The following PIK3R1 variants were observed in gnomAD, a reference collection of about 807,000 sequenced individuals.
PIK3R1 encodes the protein phosphoinositide-3-kinase regulatory subunit 1.
Under a neutral mutation model 98.0 loss-of-function variants are expected in PIK3R1, and 29 were observed. That is an observed-to-expected ratio of 0.30 (90% CI 0.22 to 0.40). The LOEUF (loss-of-function observed/expected upper bound fraction) is 0.40, where lower values mean the gene tolerates loss of function less well. PIK3R1 is among the 10% of genes least tolerant of loss of function. The pLI, the probability that PIK3R1 is intolerant of heterozygous loss-of-function variation, is 1.00. For synonymous variants in PIK3R1, 282 were observed against 311.8 expected (o/e 0.90, Z 1.01); for missense variants, 596 against 872.7 (o/e 0.68, Z 3.99).
rs72757662 is a variant in PIK3R1, at chr5:68,239,982, A to C, written c.334+12973A>C. 31,199 of 483,574 alleles carry C rather than the reference A, an allele frequency of 0.065. 2,380 individuals are homozygous for C. The highest frequency in any genetic ancestry group is 0.23 in the African/African-American group (11,862 of 51,092). The allele number at this position is 483,574 out of a possible 1,614,324, so 30.0% of individuals were successfully genotyped here. A position where few individuals can be genotyped will look rare whatever the true frequency, so the allele number is the denominator to read the frequency against. ...AGTTCATTCCTCCTGCATGTTGGAA[A>C]CTGTGGCTCTTAACTGGCTAAAATT... On this transcript the variant is annotated intron_variant, in intron 2 of 15. Transcript: ENST00000521381.
At chr5:68,256,421 A>G (rs570607627) in intron 2 of PIK3R1, among the ~76,000 whole-genome samples, 15 of 152,172 alleles carry the variant, frequency 9.9e-5, no homozygotes, top group East Asian at 5.8e-4. Context: ...TAGTAGAGAC[A>G]GGGTTTCACC....
chr5:68,237,216 TTG>T, intron 2 of PIK3R1, among the ~76,000 whole-genome samples: 1 of 152,220 alleles, frequency 6.6e-6, no homozygotes, highest in Non-Finnish European at 1.5e-5. Flanking sequence ...TAGCAGCTGC[TTG>T]AAGTCCATAA....
intron 4 of PIK3R1, among the ~76,000 whole-genome samples, chr5:68,276,803 G>T (rs1397290820): frequency 6.6e-6 from 1 of 152,174 alleles, no homozygotes; most frequent in Admixed American, 6.5e-5. Context: ...TGTTGGAAAA[G>T]GGCTTTGATG....
intron 2 of PIK3R1, among the ~76,000 whole-genome samples, chr5:68,271,784 G>A (rs1343601645): frequency 7.0e-6 from 1 of 142,610 alleles, no homozygotes; most frequent in Non-Finnish European, 1.5e-5. Context: ...AATAGAATTA[G>A]GTGGAAAGAT....
intron 2 of PIK3R1, among the ~76,000 whole-genome samples, chr5:68,251,306 G>C (rs1160877925): frequency 6.6e-6 from 1 of 152,030 alleles, no homozygotes; most frequent in Non-Finnish European, 1.5e-5. Flanking sequence ...GCACATCTCT[G>C]GTAGCCCTGT....
chr5:68,216,902 C>T (rs1019310551), intron 1 of PIK3R1, among the ~76,000 whole-genome samples: 2 of 152,144 alleles, frequency 1.3e-5, no homozygotes, highest in Non-Finnish European at 2.9e-5. Context: ...AGGATATATG[C>T]AGAATGGCTG....
At chr5:68,259,593 A>G (rs1745658276) in intron 2 of PIK3R1, among the ~76,000 whole-genome samples, 2 of 152,230 alleles carry the variant, frequency 1.3e-5, no homozygotes, top group Non-Finnish European at 2.9e-5. Context: ...CAGATATGCT[A>G]AACATCCCAT....
intron 4 of PIK3R1, among the ~76,000 whole-genome samples, chr5:68,275,592 T>A (rs996178844): frequency 3.0e-4 from 46 of 151,992 alleles, no homozygotes; most frequent in African/African-American, 1.0e-3. Flanking sequence ...CAATGGTACA[T>A]TTTGACCAAC....
chr5:68,220,505 G>A (rs1383160677), intron 1 of PIK3R1, among the ~76,000 whole-genome samples: 3 of 152,166 alleles, frequency 2.0e-5, no homozygotes, highest in Admixed American at 2.0e-4. Flanking sequence ...CCTAAGCGTT[G>A]CTGTCACCTG....
At chr5:68,278,008 T>C (rs1746652684) in intron 4 of PIK3R1, among the ~76,000 whole-genome samples, 1 of 152,090 alleles carries the variant, frequency 6.6e-6, no homozygotes, top group African/African-American at 2.4e-5. Flanking sequence ...CTAGTGTACA[T>C]CCTTCAGCAG....
chr5:68,216,593 G>A (rs927829640), intron 1 of PIK3R1, among the ~76,000 whole-genome samples: 3 of 152,228 alleles, frequency 2.0e-5, no homozygotes, highest in African/African-American at 7.2e-5. Context: ...TGCCAGCCAA[G>A]CTTGGGCAGG....
At chr5:68,228,447 C>G (rs774841520) in intron 2 of PIK3R1, among the ~76,000 whole-genome samples, 1 of 152,142 alleles carries the variant, frequency 6.6e-6, no homozygotes, top group Admixed American at 6.5e-5. Flanking sequence ...CAAATAATAT[C>G]TTTTATTATA....
intron 1 of PIK3R1, among the ~76,000 whole-genome samples, chr5:68,218,143 CA>C (rs1420988733): frequency 3.3e-5 from 5 of 152,112 alleles, no homozygotes; most frequent in African/African-American, 9.7e-5. Context: ...GAAATCCTCA[CA>C]GAATAAAGTT....
At chr5:68,253,831 T>C (rs1206611455) in intron 2 of PIK3R1, among the ~76,000 whole-genome samples, 1 of 152,206 alleles carries the variant, frequency 6.6e-6, no homozygotes, top group African/African-American at 2.4e-5. Flanking sequence ...ATACATCCTT[T>C]GGTGTAGTCA....
chr5:68,269,119 A>G (rs1746242801), intron 2 of PIK3R1, among the ~76,000 whole-genome samples: 1 of 152,238 alleles, frequency 6.6e-6, no homozygotes, highest in Non-Finnish European at 1.5e-5. Context: ...TTCTTTTGAA[A>G]TAATGCGTGT....
chr5:68,249,384 G>C (rs1745216281), intron 2 of PIK3R1, among the ~76,000 whole-genome samples: 1 of 152,020 alleles, frequency 6.6e-6, no homozygotes, highest in Non-Finnish European at 1.5e-5. Context: ...CTATATCATG[G>C]TATCTCTTCT....
intron 2 of PIK3R1, among the ~76,000 whole-genome samples, chr5:68,231,188 T>G: frequency 6.6e-6 from 1 of 152,238 alleles, no homozygotes; most frequent in South Asian, 2.1e-4. Context: ...GATCCTTTAA[T>G]TAAAGTCATG....
At chr5:68,227,230 G>T (rs1164459594) in intron 2 of PIK3R1, among the ~76,000 whole-genome samples, 1 of 152,212 alleles carries the variant, frequency 6.6e-6, no homozygotes, top group South Asian at 2.1e-4. Context: ...CAGTATCCGA[G>T]AACCTGTTTA....
At chr5:68,294,411 T>G in intron 11 of PIK3R1, 125 bp from the exon 12 acceptor site, 3 of 597,012 alleles carry the variant, frequency 5.0e-6, no homozygotes, top group Non-Finnish European at 8.0e-6. Flanking sequence ...GATACTGTTT[T>G]AATGGATTTT....
Sources: gnomAD v4.1 joint callset for allele counts (sites outside exome capture counted in the v4.1 genomes callset) on GRCh38, gnomAD v4.1.1 for gene constraint, MANE v1.5 for transcripts, NCBI Gene and HGNC (gene_info 2026-07-23, HGNC 2026-07-21) for gene names.